UFD1: variants seen among roughly 807,000 people sequenced by gnomAD.
UFD1 encodes ubiquitin recognition factor in ER-associated degradation protein 1.
UFD1 carries 13 observed loss-of-function variants against 45.9 expected under a neutral mutation model. The observed-to-expected ratio is 0.28, with a 90% CI of 0.18 to 0.45. The LOEUF (loss-of-function observed/expected upper bound fraction) is 0.45. Ranked by LOEUF, UFD1 falls within the 20% of genes least tolerant of loss-of-function variation. UFD1 has a pLI of 1.00. For synonymous variants in UFD1, 128 were observed against 139.2 expected, an observed-to-expected ratio of 0.92 and a Z score of 0.56; for missense variants, 218 against 389.2, an observed-to-expected ratio of 0.56 and a Z score of 3.70.
At chr22:19,470,708 C>A (rs1023079776) in intron 4 of UFD1, 5 of 454,240 alleles carry the variant, frequency 1.1e-5, no homozygotes, top group African/African-American at 6.0e-5. Flanking sequence ...TTCCGAAGTG[C>A]TGGGATTAGA....
At chr22:19,470,588 C>T (rs1182686792) in intron 4 of UFD1, 8 of 376,254 alleles carry the variant, frequency 2.1e-5, no homozygotes, top group South Asian at 7.9e-5. Flanking sequence ...ACTACAGGCA[C>T]GTGCCACCAC....
At chr22:19,471,601 A>C (rs1030811439) in intron 4 of UFD1, 86 bp downstream of exon 4, 2 of 1,548,390 alleles carry the variant, frequency 1.3e-6, no homozygotes, top group East Asian at 4.5e-5. Flanking sequence ...AGGCGGGGCC[A>C]CCTGCTCCAG....
intron 3 of UFD1, among the ~76,000 whole-genome samples, chr22:19,472,822 G>A (rs1056297559): frequency 1.3e-5 from 2 of 152,354 alleles, no homozygotes; most frequent in East Asian, 3.9e-4. Flanking sequence ...CACAAGTGGT[G>A]ATGCCAGGAT....
At chr22:19,475,403 T>C in intron 2 of UFD1, 67 bp downstream of exon 2, 2 of 1,595,160 alleles carry the variant, frequency 1.3e-6, no homozygotes, top group Non-Finnish European at 8.6e-7. Context: ...GTAAGTACTG[T>C]TGAAGGCTAC....
chr22:19,462,669 C>CA lies in UFD1; in HGVS notation c.495+2532dup, dbSNP rs200190002. On this transcript the variant is annotated intron_variant, in intron 6 of 11. Coordinates refer to ENST00000263202, the MANE Select transcript of UFD1 (RefSeq NM_005659.7). ...AGGGTGAGACAAAGAGAGACTCTCT[C>CA]AAAAAAAAAGAGAGTAAGTCTAAAG... 1.9e-3 allele frequency among the ~76,000 whole-genome samples: 285 copies of CA among 149,570 alleles called. 1 individual carries two copies. Among genetic ancestry groups the CA allele is most frequent in the African/African-American group, 4.9e-3 (199 of 40,734 alleles).
At chr22:19,467,203 AAAG>A (rs967205149) in intron 5 of UFD1, 2 of 152,018 alleles carry the variant, frequency 1.3e-5, no homozygotes, top group African/African-American at 2.4e-5. Context: ...AAATAAAAAA[AAAG>A]AAGTAGAATG....
In UFD1 at chr22:19,456,988, A is replaced by G. The variant is rs1474256957; in HGVS notation, c.565-70T>C. 6.8e-6 allele frequency: 7 copies of G among 1,025,758 alleles called. No homozygotes were observed. In the East Asian group the frequency reaches 1.6e-4, roughly 23 times the overall value. The allele number at this position is 1,025,758 out of a possible 1,614,324, so 63.5% of individuals were successfully genotyped here. The stretch of plus-strand genomic sequence containing the variant: ...CCCTTGGCTTCCTTTTTTGTTTTTA[A>G]TTGAGACAACTGTAGATTCACATGC... On this transcript the variant is annotated intron_variant, in intron 7 of 11. Coordinates refer to ENST00000263202, the MANE Select transcript of UFD1 (RefSeq NM_005659.7).
At chr22:19,470,448 T>TG (rs2089835974) in intron 4 of UFD1, among the ~76,000 whole-genome samples, 1 of 54,850 alleles carries the variant, frequency 1.8e-5, no homozygotes, top group African/African-American at 3.2e-5. Flanking sequence ...ATTATTGTTG[T>TG]TTTTTTTTTT....
rs34958629 is a variant in UFD1 at position 19,467,974 on chromosome 22, G to T, written c.321C>A (p.Gly107=). Residue 107 remains glycine, a synonymous_variant, in exon 5 of 12, where the codon GGC becomes GGA. Coordinates refer to ENST00000263202, the MANE Select transcript of UFD1 (RefSeq NM_005659.7). Reference sequence around the variant, plus strand: ...TGACGCTCTCCACCTGGACCAGGCCGCCTTCTTCCAAGAGTAAGTTCTGCA... The same window carrying T: ...TGACGCTCTCCACCTGGACCAGGCCTCCTTCTTCCAAGAGTAAGTTCTGCA... The part of the protein sequence containing the change: ...WMMQNLLLEE[G]GLVQVESVNL... 3 of 1,614,120 alleles carry T rather than the reference G, an allele frequency of 1.9e-6. No individual in the cohort carries two copies. The highest frequency in any genetic ancestry group is 1.7e-5 in the Admixed American group (1 of 60,022).
intron 11 of UFD1, chr22:19,454,071 T>C: frequency 1.0e-6 from 1 of 985,670 alleles, no homozygotes; most frequent in South Asian, 4.7e-5. Flanking sequence ...AGCTAGAAGG[T>C]GCTGCCTATA....
At chr22:19,451,775 A>G in intron 11 of UFD1, 1 of 985,446 alleles carries the variant, frequency 1.0e-6, no homozygotes, top group Non-Finnish European at 1.2e-6. Context: ...CCTGGTGTCA[A>G]TAGCTGTGTT....
Position 19,471,817 on chromosome 22 carries a change from AAG to A in UFD1, c.170-11_170-10del, listed in dbSNP as rs1228449761. 13 of 1,612,512 alleles carry A rather than the reference AAG, an allele frequency of 8.1e-6. No homozygotes were observed. Among genetic ancestry groups the A allele is most frequent in the East Asian group, 6.7e-5 (3 of 44,864 alleles). The stretch of plus-strand genomic sequence containing the variant: ...GGTAATGTTAAGTCGGCCTGAAAAT[AAG>A]AGAGAGACTATGAGGCACAGCTCCT... On this transcript the variant is annotated splice_polypyrimidine_tract_variant and intron_variant, in intron 3 of 11. Coordinates refer to ENST00000263202, the MANE Select transcript of UFD1 (RefSeq NM_005659.7).
chr22:19,456,370 C>A (rs2089723045), intron 9 of UFD1: 2 of 614,314 alleles, frequency 3.3e-6, no homozygotes, highest in Middle Eastern at 4.2e-4. Context: ...TCTTAAAAAT[C>A]TGGGCTGCCT....
chr22:19,457,090 G>A (rs532199227), intron 7 of UFD1, 172 bp from the exon 8 acceptor site: 24 of 612,314 alleles, frequency 3.9e-5, no homozygotes, highest in African/African-American at 3.9e-4. Flanking sequence ...CAAAATTACA[G>A]TAAAGTATTG....
intron 6 of UFD1, among the ~76,000 whole-genome samples, chr22:19,461,934 T>C (rs1461755833): frequency 6.6e-6 from 1 of 152,210 alleles, no homozygotes; most frequent in African/African-American, 2.4e-5. Context: ...TCTTTCAAGA[T>C]ATTTGCTTTA....
chr22:19,469,176 G>A (rs1056563186), intron 4 of UFD1, among the ~76,000 whole-genome samples: 2 of 152,210 alleles, frequency 1.3e-5, no homozygotes, highest in Non-Finnish European at 2.9e-5. Flanking sequence ...TTGGTAACGG[G>A]GGTCTGGCAT....
At chr22:19,464,804 CCT>C (rs1179835583) in intron 6 of UFD1, among the ~76,000 whole-genome samples, 4 of 152,226 alleles carry the variant, frequency 2.6e-5, no homozygotes, top group African/African-American at 9.6e-5. Context: ...CACTGAAGGG[CCT>C]GTCAGCTTCT....
chr22:19,474,943 C>G lies in UFD1; in HGVS notation c.169+125G>C, dbSNP rs5746744. On this transcript the variant is annotated intron_variant, in intron 3 of 11. Coordinates refer to ENST00000263202, the MANE Select transcript of UFD1 (RefSeq NM_005659.7). ...CTCCCAGCCCAGCGCATGCCCTCCACGGACAATTCACAACCAGATGCTGAC... is the reference window on the plus strand; with the variant it reads ...CTCCCAGCCCAGCGCATGCCCTCCAGGGACAATTCACAACCAGATGCTGAC... 0.84 allele frequency: 838,336 copies of G among 992,450 alleles called. 355,097 individuals are homozygous for G. The highest frequency in any genetic ancestry group is 0.96 in the African/African-American group (58,073 of 60,282). The allele number at this position is 992,450 out of a possible 1,614,324, so 61.5% of individuals were successfully genotyped here.
At chr22:19,465,064 A>G (rs1016390467) in intron 6 of UFD1, 138 bp downstream of exon 6, 8 of 778,278 alleles carry the variant, frequency 1.0e-5, no homozygotes, top group East Asian at 2.6e-5. Context: ...ACCCGGGAAA[A>G]CTTAATAACC....
Sources: gnomAD v4.1 joint callset for allele counts (sites outside exome capture counted in the v4.1 genomes callset) on GRCh38, gnomAD v4.1.1 for gene constraint, MANE v1.5 for transcripts, NCBI Gene and HGNC (gene_info 2026-07-23, HGNC 2026-07-21) for gene names.